The following LCP1 variants were observed in gnomAD, a reference collection of about 807,000 sequenced individuals.
LCP1 encodes the protein plastin-2.
A neutral mutation model predicts 72.0 loss-of-function variants in LCP1; 23 were observed. That is an observed-to-expected ratio of 0.32 (90% CI 0.23 to 0.45). The LOEUF (loss-of-function observed/expected upper bound fraction) is 0.45. LCP1 is among the 20% of genes least tolerant of loss of function. The pLI is 1.00. For missense variants in LCP1, 571 were observed against 748.3 expected (o/e 0.76, Z 2.76); for synonymous variants, 245 against 275.4 (o/e 0.89, Z 1.09).
chr13:46,133,638 T>C (rs1432272480), intron 14 of LCP1, among the ~76,000 whole-genome samples: 7 of 149,086 alleles, frequency 4.7e-5, no homozygotes, highest in Admixed American at 2.7e-4. Flanking sequence ...AAAACAGATA[T>C]GAAAAGTAAA....
At chr13:46,140,795 T>C (rs1322548376) in intron 13 of LCP1, among the ~76,000 whole-genome samples, 1 of 152,178 alleles carries the variant, frequency 6.6e-6, no homozygotes, top group Non-Finnish European at 1.5e-5. Context: ...ACATGGAAAC[T>C]ATAATGTCCA....
At chr13:46,131,033 T>A in intron 14 of LCP1, 95 bp from the exon 15 acceptor site, 1 of 1,225,460 alleles carries the variant, frequency 8.2e-7, no homozygotes, top group Non-Finnish European at 1.1e-6. Context: ...CCTAAATATA[T>A]AATATATACA....
intron 8 of LCP1, chr13:46,148,733 A>C: frequency 2.7e-6 from 2 of 727,994 alleles, no homozygotes; most frequent in Non-Finnish European, 3.5e-6. Context: ...GGGGAGAAAA[A>C]CAACTTATTT....
Position 46,159,585 on chromosome 13 carries a change from C to T in LCP1, c.64+14G>A, listed in dbSNP as rs1432921459. The T allele has an allele frequency of 3.1e-6, 5 of 1,610,368 alleles. No homozygotes were observed. The highest frequency in any genetic ancestry group is 3.3e-5 in the Admixed American group (2 of 59,996). ...GAAGAGAATGATGCAATTTGGGGTA[C>T]CAGGTCTACTCACCAACTTTGGCAA... is the stretch of plus-strand genomic sequence containing the variant. On this transcript the variant is annotated intron_variant, in intron 2 of 15. Transcript: ENST00000323076.
intron 1 of LCP1, among the ~76,000 whole-genome samples, chr13:46,163,440 T>G (rs1003172472): frequency 2.0e-5 from 3 of 152,096 alleles, no homozygotes; most frequent in Non-Finnish European, 4.4e-5. Context: ...GAAGGCAGCA[T>G]GCTCGTTAAG....
At chr13:46,140,439 T>C (rs1185761073) in intron 13 of LCP1, among the ~76,000 whole-genome samples, 1 of 152,174 alleles carries the variant, frequency 6.6e-6, no homozygotes, top group Non-Finnish European at 1.5e-5. Flanking sequence ...CATTTTCTCA[T>C]TACTAACAAG....
At chr13:46,174,725 A>G (rs2045919792) in intron 1 of LCP1, among the ~76,000 whole-genome samples, 1 of 152,142 alleles carries the variant, frequency 6.6e-6, no homozygotes, top group Middle Eastern at 3.4e-3. Context: ...GTGTGCCTGT[A>G]ATCCCAGCTA....
intron 4 of LCP1, 43 bp downstream of exon 4, chr13:46,158,479 C>A: frequency 6.2e-7 from 1 of 1,601,950 alleles, no homozygotes; most frequent in Non-Finnish European, 8.5e-7. Flanking sequence ...AGTTTAGAAT[C>A]TGTAATCCTG....
chr13:46,162,246 TCTCCCTCCCCCTCCCC>T lies in LCP1; in HGVS notation c.-24-2576_-24-2561del, dbSNP rs971434334. ...TATTCACTAAACAATGAGTTCTCCCTCTCCCTCCCCCTCCCCCTCCCTCCCCCTCCCCCTCCCTCTC... is the reference window on the plus strand; with the variant it reads ...TATTCACTAAACAATGAGTTCTCCCTCTCCCTCCCCCTCCCCCTCCCTCTC... On this transcript the variant is annotated intron_variant, in intron 1 of 15. Transcript: ENST00000323076. Among the ~76,000 whole-genome samples the T allele has an allele frequency of 6.3e-3, 793 of 126,482 alleles. 4 individuals carry two copies. Among genetic ancestry groups the T allele is most frequent in the African/African-American group, 0.022 (736 of 32,842 alleles). 83.0% of individuals were successfully genotyped at this position (126,482 alleles called of 152,430 possible). A position where few individuals can be genotyped will look rare whatever the true frequency, so the allele number is the denominator to read the frequency against.
At chr13:46,175,248 G>A (rs1458211505) in intron 1 of LCP1, among the ~76,000 whole-genome samples, 4 of 152,108 alleles carry the variant, frequency 2.6e-5, no homozygotes, top group African/African-American at 9.7e-5. Flanking sequence ...ACGCTGGGTG[G>A]AGTAGATATG....
intron 13 of LCP1, among the ~76,000 whole-genome samples, chr13:46,141,405 C>CAA (rs762462829): frequency 0.29 from 14,802 of 51,784 alleles, 2,622 homozygotes; most frequent in African/African-American, 0.41. Flanking sequence ...GACTCTGTCT[C>CAA]AAAAAAAAAA....
At chr13:46,161,265 A>C (rs1253341468) in intron 1 of LCP1, among the ~76,000 whole-genome samples, 2 of 152,194 alleles carry the variant, frequency 1.3e-5, no homozygotes, top group Non-Finnish European at 2.9e-5. Context: ...TGTCACCTTC[A>C]TCTGTGGGAA....
chr13:46,161,862 G>C (rs1362561019), intron 1 of LCP1, among the ~76,000 whole-genome samples: 1 of 152,118 alleles, frequency 6.6e-6, no homozygotes, highest in Non-Finnish European at 1.5e-5. Flanking sequence ...AAGTATCATC[G>C]GTTATACAAT....
At position 46,159,674 on chromosome 13, in the gene LCP1, T is replaced by C. The variant is rs762237727; in HGVS notation, c.-12A>G. On this transcript the variant is annotated 5_prime_UTR_variant, in exon 2 of 16. Coordinates refer to ENST00000323076, the MANE Select transcript of LCP1 (RefSeq NM_002298.5). The stretch of plus-strand genomic sequence containing the variant: ...GATCCTCTGGCCATTTTTTATTGCT[T>C]TAGGTAACAGATCTGGAGAGAAGAA... The C allele has an allele frequency of 7.5e-6, 12 of 1,608,544 alleles. No individual in the cohort carries two copies. Among genetic ancestry groups the C allele is most frequent in the Middle Eastern group, 1.7e-4 (1 of 6,052 alleles).
intron 11 of LCP1, among the ~76,000 whole-genome samples, chr13:46,144,076 A>T (rs1310892237): frequency 6.6e-6 from 1 of 152,180 alleles, no homozygotes; most frequent in Non-Finnish European, 1.5e-5. Flanking sequence ...AAAAAAAAAG[A>T]AATATTGAAA....
intron 4 of LCP1, 92 bp downstream of exon 4, chr13:46,158,430 G>C (rs1290559680): frequency 7.0e-7 from 1 of 1,437,258 alleles, no homozygotes; most frequent in Non-Finnish European, 9.5e-7. Flanking sequence ...AGCTGTGTTT[G>C]CTTCTGTCTT....
At chr13:46,148,010 C>T (rs749709267) in intron 9 of LCP1, among the ~76,000 whole-genome samples, 1 of 152,196 alleles carries the variant, frequency 6.6e-6, no homozygotes, top group African/African-American at 2.4e-5. Context: ...GGCAAAGAGA[C>T]TTCTCAAGAT....
At chr13:46,156,295 G>C in intron 5 of LCP1, 143 bp downstream of exon 5, 1 of 849,958 alleles carries the variant, frequency 1.2e-6, no homozygotes, top group South Asian at 1.7e-5. Flanking sequence ...TGCTGTCCTG[G>C]ACCTGGCCAA....
chr13:46,130,315 A>G (rs1479693118), intron 15 of LCP1, among the ~76,000 whole-genome samples: 2 of 152,260 alleles, frequency 1.3e-5, no homozygotes, highest in Admixed American at 6.5e-5. Flanking sequence ...CTCTGTTTCA[A>G]TAAAACTTTG....
Sources: gnomAD v4.1 joint callset for allele counts (sites outside exome capture counted in the v4.1 genomes callset) on GRCh38, gnomAD v4.1.1 for gene constraint, MANE v1.5 for transcripts, NCBI Gene and HGNC (gene_info 2026-07-23, HGNC 2026-07-21) for gene names.